PDGFC: variants seen among roughly 807,000 people sequenced by gnomAD.
The protein encoded by PDGFC is platelet derived growth factor C.
A neutral mutation model predicts 35.5 loss-of-function variants in PDGFC; 12 were observed. That is an observed-to-expected ratio of 0.34 (90% CI 0.22 to 0.55). The LOEUF is 0.55. PDGFC is among the 20% of genes least tolerant of loss of function. PDGFC has a pLI of 0.91. For missense variants in PDGFC, 322 were observed against 412.4 expected (o/e 0.78, Z 1.90); for synonymous variants, 159 against 148.8 (o/e 1.07, Z -0.50).
chr4:156,909,794 T>C (rs1300717104), intron 1 of PDGFC, among the ~76,000 whole-genome samples: 2 of 152,128 alleles, frequency 1.3e-5, no homozygotes, highest in African/African-American at 4.8e-5. Flanking sequence ...CCTGTGAAAA[T>C]GAACTTATTT....
intron 2 of PDGFC, among the ~76,000 whole-genome samples, chr4:156,824,768 A>G (rs1397006842): frequency 6.6e-6 from 1 of 152,158 alleles, no homozygotes; most frequent in Non-Finnish European, 1.5e-5. Flanking sequence ...GATGGCTTCC[A>G]TGACAAAGGA....
At chr4:156,918,739 C>T (rs1303198458) in intron 1 of PDGFC, among the ~76,000 whole-genome samples, 1 of 152,192 alleles carries the variant, frequency 6.6e-6, no homozygotes. Flanking sequence ...GGACAACTCT[C>T]TTCCGTGAAA....
At chr4:156,829,319 G>T (rs772959124) in intron 2 of PDGFC, among the ~76,000 whole-genome samples, 1 of 152,166 alleles carries the variant, frequency 6.6e-6, no homozygotes, top group African/African-American at 2.4e-5. Context: ...TTCACATAAA[G>T]GGAAGCAGCA....
chr4:156,810,952 C>T lies in PDGFC; in HGVS notation c.380G>A (p.Gly127Asp), dbSNP rs765573815. Residue 127 changes from glycine to aspartate, a missense_variant, in exon 3 of 6, where the codon GGT becomes GAT. This residue lies in a region of PDGFC where 202 missense variants were observed against 295.9 expected (regional missense o/e 0.68). Transcript: ENST00000502773. ...AGAAATCTGTTTTCCTGGTACAGTA[C>T]CAGAACCACACCAGCGCCCTAATAT... is the stretch of plus-strand genomic sequence containing the variant. ...GTILGRWCGSGTVPGKQISKG... is the reference protein window; with the variant it reads ...GTILGRWCGSDTVPGKQISKG... 9 of 1,606,738 alleles carry T rather than the reference C, an allele frequency of 5.6e-6. No individual in the cohort carries two copies. Among genetic ancestry groups the T allele is most frequent in the Non-Finnish European group, 7.7e-6 (9 of 1,173,984 alleles).
chr4:156,967,000 A>G (rs1409680926), intron 1 of PDGFC, among the ~76,000 whole-genome samples: 1 of 151,914 alleles, frequency 6.6e-6, no homozygotes, highest in Non-Finnish European at 1.5e-5. Flanking sequence ...TATTTCAAAC[A>G]GCAGAGAACC....
chr4:156,885,411 A>G (rs1292028847), intron 1 of PDGFC, among the ~76,000 whole-genome samples: 4 of 152,228 alleles, frequency 2.6e-5, no homozygotes, highest in Non-Finnish European at 5.9e-5. Context: ...AAAATTTTGT[A>G]GACTATAATA....
At chr4:156,805,300 C>A (rs1731728231) in intron 3 of PDGFC, among the ~76,000 whole-genome samples, 1 of 151,978 alleles carries the variant, frequency 6.6e-6, no homozygotes, top group Admixed American at 6.6e-5. Flanking sequence ...GTGCTTCAGA[C>A]TACAGTGTAG....
At chr4:156,943,625 C>G (rs544175098) in intron 1 of PDGFC, among the ~76,000 whole-genome samples, 3 of 151,862 alleles carry the variant, frequency 2.0e-5, no homozygotes, top group Non-Finnish European at 4.4e-5. Context: ...TTCACTCGAC[C>G]CAATTTGTTT....
At chr4:156,796,122 G>A (rs1258369668) in intron 3 of PDGFC, among the ~76,000 whole-genome samples, 2 of 152,116 alleles carry the variant, frequency 1.3e-5, no homozygotes, top group Non-Finnish European at 2.9e-5. Context: ...ACACTGCAGA[G>A]TTTTAGATAA....
At chr4:156,792,096 G>A (rs1269584202) in intron 3 of PDGFC, among the ~76,000 whole-genome samples, 1 of 152,132 alleles carries the variant, frequency 6.6e-6, no homozygotes, top group African/African-American at 2.4e-5. Flanking sequence ...CAAGGAAAAC[G>A]CCTAGGATCT....
chr4:156,947,185 C>G (rs529379066), intron 1 of PDGFC, among the ~76,000 whole-genome samples: 1 of 152,100 alleles, frequency 6.6e-6, no homozygotes, highest in South Asian at 2.1e-4. Context: ...CAGGAACGCA[C>G]ACAAGCCCTC....
At chr4:156,898,643 TTTTTTC>T (rs1233037512) in intron 1 of PDGFC, among the ~76,000 whole-genome samples, 1 of 151,642 alleles carries the variant, frequency 6.6e-6, no homozygotes, top group African/African-American at 2.4e-5. Context: ...GCTTCCATTT[TTTTTTC>T]TTTTTTCTTT....
chr4:156,820,855 C>T (rs1732234137), intron 2 of PDGFC, among the ~76,000 whole-genome samples: 1 of 152,066 alleles, frequency 6.6e-6, no homozygotes, highest in African/African-American at 2.4e-5. Context: ...AAACTAGAGG[C>T]AGTATATTGG....
chr4:156,914,876 G>A (rs1731121571), intron 1 of PDGFC, among the ~76,000 whole-genome samples: 1 of 87,792 alleles, frequency 1.1e-5, no homozygotes, highest in South Asian at 2.7e-4. Flanking sequence ...TACTATGACA[G>A]ACTGGCTTTA....
At chr4:156,825,392 A>G (rs1242442533) in intron 2 of PDGFC, among the ~76,000 whole-genome samples, 1 of 150,956 alleles carries the variant, frequency 6.6e-6, no homozygotes, top group African/African-American at 2.4e-5. Context: ...CTACCAAAAA[A>G]AAAAAAAAAA....
intron 1 of PDGFC, among the ~76,000 whole-genome samples, chr4:156,868,499 T>C (rs1030863966): frequency 1.3e-4 from 20 of 152,162 alleles, no homozygotes; most frequent in African/African-American, 4.8e-4. Context: ...AGTGATGCTT[T>C]ACGATGAACA....
intron 5 of PDGFC, 131 bp downstream of exon 5, chr4:156,767,642 A>G: frequency 1.6e-6 from 1 of 626,950 alleles, no homozygotes; most frequent in Non-Finnish European, 2.8e-6. Context: ...AACATAAACT[A>G]TTTGTAGACC....
At chr4:156,853,623 C>T (rs920114953) in intron 1 of PDGFC, among the ~76,000 whole-genome samples, 1 of 152,074 alleles carries the variant, frequency 6.6e-6, no homozygotes, top group African/African-American at 2.4e-5. Context: ...ACAGAAGGAA[C>T]TATAAAGTTA....
intron 2 of PDGFC, among the ~76,000 whole-genome samples, chr4:156,815,080 A>G (rs1732043670): frequency 6.6e-6 from 1 of 152,174 alleles, no homozygotes; most frequent in South Asian, 2.1e-4. Flanking sequence ...TTTGTTCTCC[A>G]TAAAGTTTAA....
Sources: allele counts gnomAD v4.1 joint callset (sites outside exome capture counted in the v4.1 genomes callset), GRCh38; gene constraint gnomAD v4.1.1; regional missense constraint gnomAD v4.1.1; transcripts MANE v1.5; gene names NCBI Gene and HGNC (gene_info 2026-07-23, HGNC 2026-07-21).